Variants in EIF3B observed in about 807,000 individuals in gnomAD.
EIF3B encodes the protein eukaryotic translation initiation factor 3 subunit 9.
In EIF3B, 10 loss-of-function variants were observed where a neutral mutation model predicts 104.6. The ratio of observed to expected loss-of-function variants is 0.10; its 90% CI spans 0.06 to 0.16. The LOEUF (loss-of-function observed/expected upper bound fraction) is 0.16. Ranked by LOEUF, EIF3B falls within the 10% of genes least tolerant of loss-of-function variation. EIF3B has a pLI of 1.00. For synonymous variants in EIF3B, 542 were observed against 417.2 expected (o/e 1.30, Z -3.65); for missense variants, 1,014 against 1,087.9 (o/e 0.93, Z 0.96).
At chr7:2,379,880 G>C (rs10233271) in intron 18 of EIF3B, 202,216 of 269,408 alleles carry the variant, frequency 0.75, 77,113 homozygotes, top group East Asian at 0.89. Context: ...GGCTGTGACT[G>C]TGGTTTCAGC....
intron 2 of EIF3B, 66 bp downstream of exon 2, chr7:2,360,968 G>C: frequency 7.3e-7 from 1 of 1,367,942 alleles, no homozygotes; most frequent in African/African-American, 1.4e-5. Flanking sequence ...GAGTGTTGCA[G>C]GAGATCCTTA....
intron 18 of EIF3B, 57 bp from the exon 19 acceptor site, chr7:2,380,147 G>T (rs1421496663): frequency 3.0e-6 from 1 of 330,038 alleles, no homozygotes; most frequent in Non-Finnish European, 6.0e-6. Flanking sequence ...GATGTTCAGG[G>T]GGTCCCTCAG....
At chr7:2,378,622 T>C (rs1223924674) in intron 15 of EIF3B, 67 bp from the exon 16 acceptor site, 2 of 1,443,210 alleles carry the variant, frequency 1.4e-6, no homozygotes, top group Non-Finnish European at 1.9e-6. Flanking sequence ...TGTTGGCAAC[T>C]CTGAAGATTG....
chr7:2,374,359 C>T (rs1780522561), intron 12 of EIF3B, 169 bp from the exon 13 acceptor site: 2 of 593,908 alleles, frequency 3.4e-6, no homozygotes, highest in South Asian at 2.2e-5. Context: ...TGGATCATGA[C>T]TTAGGGGGTA....
intron 6 of EIF3B, among the ~76,000 whole-genome samples, chr7:2,365,630 C>T (rs1231539275): frequency 2.0e-5 from 3 of 150,766 alleles, no homozygotes; most frequent in African/African-American, 7.3e-5. Context: ...TGCTGGCTTT[C>T]GAACTGGATG....
intron 2 of EIF3B, 147 bp from the exon 3 acceptor site, chr7:2,362,498 C>T (rs1045395954): frequency 2.1e-5 from 19 of 918,630 alleles, no homozygotes; most frequent in African/African-American, 2.0e-4. Context: ...ATCTGTCCCC[C>T]GTGTGACTGC....
Position 2,354,946 on chromosome 7 carries a change from G to A in EIF3B, c.25G>A (p.Val9Met). ...CATGCAGGACGCGGAGAACGTGGCGGTGCCCGAGGCGGCCGAGGAGCGCGC... is the reference window on the plus strand; with the variant it reads ...CATGCAGGACGCGGAGAACGTGGCGATGCCCGAGGCGGCCGAGGAGCGCGC... MQDAENVA[V>M]PEAAEERAEP... The change falls in exon 1 of 19, where the codon GTG (valine) becomes ATG (methionine). Residue 9 changes from valine (V) to methionine (M), a missense_variant. Val to Met is a conservative substitution (Grantham distance 21). Transcript: ENST00000360876. 8.1e-7 allele frequency: 1 copy of A among 1,227,490 alleles called. No homozygotes were observed. 76.0% of individuals were successfully genotyped at this position (1,227,490 alleles called of 1,614,324 possible).
chr7:2,374,494 C>T lies in EIF3B; in HGVS notation c.1811-34C>T, dbSNP rs544553956. The T allele has an allele frequency of 3.9e-5, 62 of 1,609,244 alleles. No homozygotes were observed. In the Admixed American group the frequency reaches 5.0e-4, roughly 13 times the overall value. On this transcript the variant is annotated intron_variant, in intron 12 of 18. Transcript: ENST00000360876. ...GCTGCCCCGGCACTGTGGAAGCCCT[C>T]GCAGCTCGTGACAGGCGCGCTCTTT...
At chr7:2,361,446 G>T (rs1038963114) in intron 2 of EIF3B, among the ~76,000 whole-genome samples, 1 of 152,004 alleles carries the variant, frequency 6.6e-6, no homozygotes, top group African/African-American at 2.4e-5. Flanking sequence ...TTGAGTCGGA[G>T]TCTCGCTCTG....
chr7:2,363,012 C>T lies in EIF3B; in HGVS notation c.813-58C>T, dbSNP rs761291355. On this transcript the variant is annotated intron_variant, in intron 3 of 18. Coordinates refer to ENST00000360876, the MANE Select transcript of EIF3B (RefSeq NM_001037283.2). ...CAGCAGGGCCATGCTGGAGCCCCCA[C>T]GAGTTGCTCTTTCTAGTCGTCAGGG... is the stretch of plus-strand genomic sequence containing the variant. The T allele has an allele frequency of 3.2e-5, 51 of 1,588,242 alleles. No homozygotes were observed. In the East Asian group the frequency reaches 9.8e-4, roughly 31 times the overall value.
intron 6 of EIF3B, among the ~76,000 whole-genome samples, chr7:2,365,362 T>C (rs1176572183): frequency 3.3e-5 from 5 of 151,932 alleles, no homozygotes; most frequent in African/African-American, 1.2e-4. Flanking sequence ...AAGGGACAGT[T>C]GTGGAAGGCA....
Position 2,355,194 on chromosome 7 carries a change from G to C in EIF3B, c.273G>C (p.Glu91Asp). The C allele has an allele frequency of 2.7e-6, 4 of 1,481,962 alleles. No homozygotes were observed. The highest frequency in any genetic ancestry group is 2.6e-5 in the South Asian group (2 of 78,240). The allele number at this position is 1,481,962 out of a possible 1,614,324, so 91.8% of individuals were successfully genotyped here. A position where few individuals can be genotyped will look rare whatever the true frequency, so the allele number is the denominator to read the frequency against. Reference protein sequence around the residue: ...SESPSPPAAEELPGSHAEPPV... With the variant: ...SESPSPPAAEDLPGSHAEPPV... ...CGCCCTCGCCGCCGGCCGCCGAGGAGCTGCCCGGGTCGCATGCTGAGCCCC... is the reference window on the plus strand; with the variant it reads ...CGCCCTCGCCGCCGGCCGCCGAGGACCTGCCCGGGTCGCATGCTGAGCCCC... The change falls in exon 1 of 19, where the codon GAG becomes GAC. Residue 91 changes from glutamate to aspartate, a missense_variant. By Grantham distance (45) the Glu-to-Asp change is conservative (BLOSUM62 2). This residue lies in a region of EIF3B where 488 missense variants were observed against 404.3 expected (regional missense o/e 1.21). Transcript: ENST00000360876.
chr7:2,363,010 C>G, intron 3 of EIF3B, 60 bp from the exon 4 acceptor site: 3 of 1,587,092 alleles, frequency 1.9e-6, no homozygotes, highest in African/African-American at 2.7e-5. Flanking sequence ...CTGGAGCCCC[C>G]ACGAGTTGCT....
chr7:2,363,363 G>A (rs575011438), intron 4 of EIF3B, among the ~76,000 whole-genome samples: 3 of 152,040 alleles, frequency 2.0e-5, no homozygotes, highest in Non-Finnish European at 2.9e-5. Context: ...GGAGGCTGAG[G>A]GGGGAGGATC....
At chr7:2,379,552 G>T in intron 18 of EIF3B, 41 bp downstream of exon 18, 1 of 1,254,976 alleles carries the variant, frequency 8.0e-7, no homozygotes, top group Non-Finnish European at 1.1e-6. Context: ...CCTGTTGGCT[G>T]CTCATGCTGC....
Position 2,360,985 on chromosome 7 carries a change from C to T in EIF3B, c.692+83C>T, listed in dbSNP as rs370530964. 201 of 1,185,844 alleles carry T rather than the reference C, an allele frequency of 1.7e-4. No homozygotes were observed. In the African/African-American group the frequency reaches 2.4e-3, roughly 14 times the overall value. 73.5% of individuals were successfully genotyped at this position (1,185,844 alleles called of 1,614,324 possible). A position where few individuals can be genotyped will look rare whatever the true frequency, so the allele number is the denominator to read the frequency against. ...GTGTTGCAGGAGATCCTTACTAACA[C>T]AGCTCCTGCCTTGCCCAGGCACGTG... On this transcript the variant is annotated intron_variant, in intron 2 of 18. Coordinates refer to ENST00000360876, the MANE Select transcript of EIF3B (RefSeq NM_001037283.2).
intron 6 of EIF3B, 96 bp downstream of exon 6, chr7:2,364,625 A>G: frequency 8.3e-7 from 1 of 1,209,722 alleles, no homozygotes; most frequent in Non-Finnish European, 1.2e-6. Flanking sequence ...CAAACTTAGT[A>G]GAAAAATACG....
intron 10 of EIF3B, among the ~76,000 whole-genome samples, chr7:2,370,940 G>A (rs1260771885): frequency 1.3e-5 from 2 of 152,132 alleles, no homozygotes; most frequent in Non-Finnish European, 2.9e-5. Flanking sequence ...GCGGGTGCCT[G>A]TAGTCCCAGC....
rs1291519010 is a variant in EIF3B at position 2,379,490 on chromosome 7, A to G, written c.2438A>G (p.Gln813Arg). 8 of 1,570,886 alleles carry G rather than the reference A, an allele frequency of 5.1e-6. No individual in the cohort carries two copies. The South Asian group carries it at 8.2e-5, about 16-fold the overall frequency. Residue 813 changes from glutamine (Q) to arginine (R), a missense_variant, in exon 18 of 19, where the codon CAG becomes CGG. Around this residue, in one of 4 missense-constraint regions of EIF3B, gnomAD observed 266 missense variants for 324.0 expected, o/e 0.82. Coordinates refer to ENST00000360876, the MANE Select transcript of EIF3B (RefSeq NM_001037283.2). The part of the protein sequence containing the change: ...VTEEIIPLGN[Q>R]E ...GAAGAAATCATTCCCCTCGGGAATC[A>G]GGAGTGACCTGGAGCACTGTGGTGA...
Sources: gnomAD v4.1 joint callset for allele counts (sites outside exome capture counted in the v4.1 genomes callset) on GRCh38, gnomAD v4.1.1 for gene constraint, gnomAD v4.1.1 regional missense constraint, MANE v1.5 for transcripts, NCBI Gene and HGNC (gene_info 2026-07-23, HGNC 2026-07-21) for gene names.